The following FGF14 variants were observed in gnomAD, a reference collection of about 807,000 sequenced individuals.
The protein encoded by FGF14 is fibroblast growth factor homologous factor 4.
In FGF14, 5 loss-of-function variants were observed where a neutral mutation model predicts 25.5. That is an observed-to-expected ratio of 0.20 (90% CI 0.10 to 0.41). The LOEUF (loss-of-function observed/expected upper bound fraction) is 0.41. Ranked by LOEUF, FGF14 falls within the 10% of genes least tolerant of loss-of-function variation. The pLI is 1.00. For synonymous variants in FGF14, 138 were observed against 118.3 expected (o/e 1.17, Z -1.08); for missense variants, 222 against 320.1 (o/e 0.69, Z 2.34).
chr13:102,170,148 C>T (rs2048187202), intron 1 of FGF14, among the ~76,000 whole-genome samples: 2 of 151,798 alleles, frequency 1.3e-5, no homozygotes, highest in Non-Finnish European at 2.9e-5. Context: ...AGTCTTCCAG[C>T]GTGGGGCATA....
intron 3 of FGF14, among the ~76,000 whole-genome samples, chr13:101,768,189 C>CAA (rs200094201): frequency 1.4e-5 from 2 of 147,934 alleles, no homozygotes; most frequent in Admixed American, 6.7e-5. Context: ...CTGAATCAAG[C>CAA]AAAAAAAAAG....
chr13:101,833,145 C>A (rs9554828), intron 3 of FGF14, among the ~76,000 whole-genome samples: 58,228 of 151,782 alleles, frequency 0.38, 11,752 homozygotes, highest in Non-Finnish European at 0.44. Context: ...GGTAGGGTCT[C>A]TCCATGCAGT....
At chr13:101,819,326 G>A (rs986258630) in intron 3 of FGF14, among the ~76,000 whole-genome samples, 1 of 152,130 alleles carries the variant, frequency 6.6e-6, no homozygotes, top group African/African-American at 2.4e-5. Context: ...TTTCTCTTAT[G>A]AAAAATAAAA....
At chr13:101,982,717 C>T (rs41474746) in intron 1 of FGF14, among the ~76,000 whole-genome samples, 2,294 of 152,192 alleles carry the variant, frequency 0.015, 68 homozygotes, top group African/African-American at 0.053. Flanking sequence ...AAGTACCCTA[C>T]GAAGATAGTT....
intron 1 of FGF14, among the ~76,000 whole-genome samples, chr13:102,091,592 G>A (rs2044167571): frequency 6.6e-6 from 1 of 152,152 alleles, no homozygotes; most frequent in Admixed American, 6.5e-5. Context: ...CCTCCTCAGA[G>A]GTCTGGATTC....
At chr13:101,874,048 G>A (rs1428682754) in intron 2 of FGF14, among the ~76,000 whole-genome samples, 1 of 151,652 alleles carries the variant, frequency 6.6e-6, no homozygotes, top group Non-Finnish European at 1.5e-5. Context: ...AATACAAAAA[G>A]TGAACACGAT....
chr13:102,217,926 G>A (rs1047609561), intron 1 of FGF14, among the ~76,000 whole-genome samples: 22 of 152,164 alleles, frequency 1.4e-4, no homozygotes, highest in African/African-American at 5.1e-4. Flanking sequence ...CATCATGGCT[G>A]TGCAGATCAA....
At chr13:102,169,008 GA>G (rs1422799623) in intron 1 of FGF14, among the ~76,000 whole-genome samples, 2 of 149,806 alleles carry the variant, frequency 1.3e-5, no homozygotes, top group South Asian at 4.2e-4. Flanking sequence ...AGACAGAGAA[GA>G]AAAAAAAAGA....
chr13:102,171,929 C>T (rs931151249), intron 1 of FGF14, among the ~76,000 whole-genome samples: 27 of 150,282 alleles, frequency 1.8e-4, no homozygotes, highest in Non-Finnish European at 3.3e-4. Context: ...TTTTTAAAGA[C>T]ATTTCAAAAG....
intron 1 of FGF14, among the ~76,000 whole-genome samples, chr13:102,021,209 A>G (rs562708367): frequency 6.6e-6 from 1 of 152,216 alleles, no homozygotes; most frequent in East Asian, 1.9e-4. Flanking sequence ...GTCTGGTGCC[A>G]AAGTCTTGGA....
At chr13:101,969,765 A>G (rs1193390445) in intron 1 of FGF14, among the ~76,000 whole-genome samples, 4 of 152,214 alleles carry the variant, frequency 2.6e-5, no homozygotes, top group Admixed American at 2.0e-4. Context: ...AGAAAAAAGG[A>G]ATTTTTATTT....
intron 1 of FGF14, among the ~76,000 whole-genome samples, chr13:102,144,982 G>A (rs1196176104): frequency 6.6e-6 from 1 of 152,040 alleles, no homozygotes; most frequent in African/African-American, 2.4e-5. Context: ...AAGACTACCA[G>A]GTAATTCTTC....
chr13:101,964,843 A>G (rs772810582), intron 1 of FGF14, among the ~76,000 whole-genome samples: 15 of 152,112 alleles, frequency 9.9e-5, no homozygotes, highest in South Asian at 2.1e-4. Flanking sequence ...ACTTTCCCTG[A>G]TAGAGAAACT....
chr13:101,714,495 A>C lies in FGF14; in HGVS notation c.*8336T>G. On this transcript the variant is annotated 3_prime_UTR_variant, in exon 5 of 5. Coordinates refer to ENST00000376143, the MANE Select transcript of FGF14 (RefSeq NM_004115.4). ...GCTGAAGAGTGGTATATTTCTGGGG[A>C]GTTCTGTGACTGTGATGACAGAGAC... is the stretch of plus-strand genomic sequence containing the variant. 1 of 1,613,162 alleles carries C rather than the reference A, an allele frequency of 6.2e-7. No individual in the cohort carries two copies. The highest frequency in any genetic ancestry group is 8.5e-7 in the Non-Finnish European group (1 of 1,179,210).
chr13:101,777,366 G>T lies in FGF14; in HGVS notation c.409-50556C>A, dbSNP rs911691014. 5.3e-5 allele frequency among the ~76,000 whole-genome samples: 8 copies of T among 152,112 alleles called. 1 individual carries two copies. Among genetic ancestry groups the T allele is most frequent in the African/African-American group, 1.9e-4 (8 of 41,420 alleles). Reference sequence around the variant, plus strand: ...TAACGGAGGAAGAGCAATTAAGAATGGCCTTTTATTAAGATGCCAGCCTTT... The same window carrying T: ...TAACGGAGGAAGAGCAATTAAGAATTGCCTTTTATTAAGATGCCAGCCTTT... On this transcript the variant is annotated intron_variant, in intron 3 of 4. Transcript: ENST00000376143.
chr13:102,316,942 TA>T (rs1483761373), intron 1 of FGF14, among the ~76,000 whole-genome samples: 1 of 152,186 alleles, frequency 6.6e-6, no homozygotes, highest in African/African-American at 2.4e-5. Context: ...TGACATGCAG[TA>T]AATTCACCTC....
rs1016270141 is a variant in FGF14, at chr13:101,718,155, A to C, written c.*4676T>G. ...TTATAGTAGAAGTTAATGGTACCTA[A>C]ACTCTAAGGAATGCTTTTTCTTTGA... is the stretch of plus-strand genomic sequence containing the variant. On this transcript the variant is annotated 3_prime_UTR_variant, in exon 5 of 5. Transcript: ENST00000376143. The C allele has an allele frequency of 2.6e-5, 4 of 152,118 alleles. No individual in the cohort carries two copies. The highest frequency in any genetic ancestry group is 5.9e-5 in the Non-Finnish European group (4 of 68,012). The allele number at this position is 152,118 out of a possible 1,614,324, so 9.4% of individuals were successfully genotyped here. A position where few individuals can be genotyped will look rare whatever the true frequency, so the allele number is the denominator to read the frequency against.
intron 3 of FGF14, among the ~76,000 whole-genome samples, chr13:101,776,074 G>A (rs9518536): frequency 0.39 from 59,600 of 151,770 alleles, 12,332 homozygotes; most frequent in East Asian, 0.74. Flanking sequence ...CACGTGGTGC[G>A]CTTACGAGTT....
chr13:101,885,952 C>T (rs4772422), intron 1 of FGF14, among the ~76,000 whole-genome samples: 60,116 of 151,990 alleles, frequency 0.4, 13,718 homozygotes, highest in African/African-American at 0.62. Flanking sequence ...GGATAGAAAA[C>T]CTAATATTTC....
Sources: allele counts gnomAD v4.1 joint callset (sites outside exome capture counted in the v4.1 genomes callset), GRCh38; gene constraint gnomAD v4.1.1; transcripts MANE v1.5; gene names NCBI Gene and HGNC (gene_info 2026-07-23, HGNC 2026-07-21).